The following SLC27A1 variants were observed in gnomAD, a reference collection of about 807,000 sequenced individuals.
The protein encoded by SLC27A1 is long-chain fatty acid transport protein 1.
A neutral mutation model predicts 62.2 loss-of-function variants in SLC27A1; 61 were observed. That is an observed-to-expected ratio of 0.98 (90% confidence interval 0.80 to 1.21). The LOEUF (loss-of-function observed/expected upper bound fraction) is 1.21, where lower values mean the gene tolerates loss of function less well. Among genes scored for constraint, SLC27A1 ranks in the 50% most tolerant of loss-of-function variants. SLC27A1 has a pLI of 0.00. For synonymous variants in SLC27A1, 435 were observed against 408.6 expected, an observed-to-expected ratio of 1.06 and a Z score of -0.78; for missense variants, 903 against 932.1, an observed-to-expected ratio of 0.97 and a Z score of 0.41.
chr19:17,479,842 C>T (rs1332598085), intron 1 of SLC27A1, among the ~76,000 whole-genome samples: 3 of 152,118 alleles, frequency 2.0e-5, no homozygotes, highest in Non-Finnish European at 4.4e-5. Context: ...CGGAGTTTTG[C>T]CATGTTGGCC....
chr19:17,477,250 T>TTTTTTTTTTTTTTTG (rs2075133212), intron 1 of SLC27A1, among the ~76,000 whole-genome samples: 1 of 133,088 alleles, frequency 7.5e-6, no homozygotes, highest in Admixed American at 7.5e-5. Context: ...CTTTTTTTTT[T>TTTTTTTTTTTTTTTG]TTTTTTTTTT....
intron 7 of SLC27A1, chr19:17,499,204 C>T (rs922142102): frequency 2.7e-4 from 53 of 194,718 alleles, no homozygotes; most frequent in African/African-American, 1.1e-3. Flanking sequence ...ACTTCCCAGA[C>T]GCTGGCGTCA....
At chr19:17,504,318 GC>G in intron 11 of SLC27A1, 136 bp from the exon 12 acceptor site, 1 of 1,100,732 alleles carries the variant, frequency 9.1e-7, no homozygotes, top group South Asian at 1.5e-5. Context: ...GGGGAATCAG[GC>G]AGGCAAAATG....
chr19:17,477,240 CTTTT>C (rs1221324202), intron 1 of SLC27A1, among the ~76,000 whole-genome samples: 12 of 43,816 alleles, frequency 2.7e-4, no homozygotes, highest in African/African-American at 7.4e-4. Flanking sequence ...ATGAGCAGCG[CTTTT>C]TTTTTTTTTT....
chr19:17,470,778 T>A, intron 1 of SLC27A1, 71 bp downstream of exon 1: 1 of 1,080,896 alleles, frequency 9.3e-7, no homozygotes, highest in Non-Finnish European at 1.1e-6. Context: ...GGTGCAGGGC[T>A]GGGTTGCGGG....
intron 1 of SLC27A1, among the ~76,000 whole-genome samples, chr19:17,483,504 C>T (rs1171072709): frequency 6.6e-6 from 1 of 152,056 alleles, no homozygotes; most frequent in Non-Finnish European, 1.5e-5. Context: ...CAGCAGCCTG[C>T]TCATATCCCA....
chr19:17,470,895 C>G (rs2075069971), intron 1 of SLC27A1, among the ~76,000 whole-genome samples, 188 bp downstream of exon 1: 1 of 149,056 alleles, frequency 6.7e-6, no homozygotes, highest in African/African-American at 2.5e-5. Flanking sequence ...AGTTGGGGGT[C>G]TCTGAGGGGG....
chr19:17,472,285 C>T (rs2075083866), intron 1 of SLC27A1, among the ~76,000 whole-genome samples: 1 of 151,460 alleles, frequency 6.6e-6, no homozygotes, highest in Non-Finnish European at 1.5e-5. Flanking sequence ...GTCCCAGCTA[C>T]TCGGGAGGCT....
chr19:17,474,223 T>C (rs1327886843), intron 1 of SLC27A1, among the ~76,000 whole-genome samples: 2 of 152,146 alleles, frequency 1.3e-5, no homozygotes, highest in Non-Finnish European at 2.9e-5. Flanking sequence ...GGATTATAGG[T>C]GTGAACCACC....
rs2075241519 is a variant in SLC27A1, at chr19:17,487,098, AG to A, written c.563-73del. The A allele has an allele frequency of 6.2e-6, 10 of 1,601,854 alleles. No homozygotes were observed. The East Asian group carries it at 2.2e-4, about 36-fold the overall frequency. ...TGCACGGTCTGGGTATGCCCCGGGC[AG>A]GGAGTTGGTGCATCCCAGGCCTCGG... On this transcript the variant is annotated intron_variant, in intron 2 of 11. Coordinates refer to ENST00000252595, the MANE Select transcript of SLC27A1 (RefSeq NM_198580.3).
intron 1 of SLC27A1, among the ~76,000 whole-genome samples, chr19:17,471,955 T>C (rs2075080776): frequency 6.6e-6 from 1 of 152,230 alleles, no homozygotes; most frequent in East Asian, 1.9e-4. Context: ...TATGTTCACC[T>C]GGTCTTCAGA....
chr19:17,505,115 A>C lies in SLC27A1; in HGVS notation c.*503A>C. ...CACCATGTTGGTCAGGTTGGTCTTG[A>C]ACTCCTGACCTCAGGTGATCCGCTG... On this transcript the variant is annotated 3_prime_UTR_variant, in exon 12 of 12. Transcript: ENST00000252595. The C allele has an allele frequency of 2.9e-6, 1 of 349,352 alleles. No homozygotes were observed. The highest frequency in any genetic ancestry group is 5.6e-6 in the Non-Finnish European group (1 of 178,012). The allele number at this position is 349,352 out of a possible 1,614,324, so 21.6% of individuals were successfully genotyped here. A position where few individuals can be genotyped will look rare whatever the true frequency, so the allele number is the denominator to read the frequency against.
chr19:17,477,089 A>C (rs763394033), intron 1 of SLC27A1, among the ~76,000 whole-genome samples: 2 of 151,786 alleles, frequency 1.3e-5, no homozygotes, highest in Admixed American at 6.6e-5. Flanking sequence ...GGGTTTTGCC[A>C]TGTTGGCCAG....
intron 1 of SLC27A1, among the ~76,000 whole-genome samples, chr19:17,480,537 T>TTTTC (rs1326487792): frequency 2.0e-4 from 18 of 90,946 alleles, no homozygotes; most frequent in African/African-American, 4.6e-4. Flanking sequence ...CAGTTAATTT[T>TTTTC]TTTCTTTTTT....
rs189995188 is a variant in SLC27A1, at chr19:17,482,511, C to T, written c.168-4052C>T. Among the ~76,000 whole-genome samples, 5 of 151,830 alleles carry T rather than the reference C, an allele frequency of 3.3e-5. No individual in the cohort carries two copies. The East Asian group carries it at 7.7e-4, about 23-fold the overall frequency. On this transcript the variant is annotated intron_variant, in intron 1 of 11. Transcript: ENST00000252595. ...ACTAAAAATACAAAAATTAGCTGGG[C>T]GTGGTAGCATGTGCCTGTAGTCCCA...
intron 1 of SLC27A1, among the ~76,000 whole-genome samples, chr19:17,475,370 A>G (rs983329479): frequency 6.6e-6 from 1 of 152,128 alleles, no homozygotes; most frequent in Non-Finnish European, 1.5e-5. Context: ...ATGAGACTCC[A>G]TCTCTACACG....
chr19:17,481,126 T>C (rs2075173872), intron 1 of SLC27A1, among the ~76,000 whole-genome samples: 1 of 151,868 alleles, frequency 6.6e-6, no homozygotes, highest in Admixed American at 6.6e-5. Context: ...GGTTTCTCCA[T>C]GTTGGCCAGG....
chr19:17,476,323 G>A (rs928184421), intron 1 of SLC27A1, among the ~76,000 whole-genome samples: 1 of 152,088 alleles, frequency 6.6e-6, no homozygotes, highest in Non-Finnish European at 1.5e-5. Flanking sequence ...ATCACCTGAG[G>A]TCAGGAGTTC....
rs1300448318 is a variant in SLC27A1, at chr19:17,500,623, T to G, written c.1462T>G (p.Tyr488Asp). ...CGTCTTCAGCAAGGGCGACAGCGCCTACCTCTCAGGTGCGCAGCCTGCTAG... is the reference window on the plus strand; with the variant it reads ...CGTCTTCAGCAAGGGCGACAGCGCCGACCTCTCAGGTGCGCAGCCTGCTAG... ...HSVFSKGDSA[Y>D]LSGDVLVMDE... The change falls in exon 9 of 12, where the codon TAC becomes GAC. Residue 488 changes from tyrosine (Y) to aspartate (D), a missense_variant. By Grantham distance (160) the Tyr-to-Asp change is radical (BLOSUM62 -3). Transcript: ENST00000252595. 6.2e-7 allele frequency: 1 copy of G among 1,613,864 alleles called. No homozygotes were observed. Among genetic ancestry groups the G allele is most frequent in the Admixed American group, 1.7e-5 (1 of 60,010 alleles).
Sources: gnomAD v4.1 joint callset for allele counts (sites outside exome capture counted in the v4.1 genomes callset) on GRCh38, gnomAD v4.1.1 for gene constraint, MANE v1.5 for transcripts, NCBI Gene and HGNC (gene_info 2026-07-23, HGNC 2026-07-21) for gene names.